Variants in LINGO2 observed in about 807,000 individuals in gnomAD.
The protein encoded by LINGO2 is leucine-rich repeat and immunoglobulin-like domain-containing nogo receptor-interacting protein 2.
A neutral mutation model predicts 30.6 loss-of-function variants in LINGO2; 14 were observed. The ratio of observed to expected loss-of-function variants is 0.46; its 90% confidence interval spans 0.30 to 0.72. The LOEUF is 0.72. Among genes scored for constraint, LINGO2 ranks in the 30% least tolerant of loss-of-function variants. The pLI is 0.07. For synonymous variants in LINGO2, 317 were observed against 288.5 expected, an observed-to-expected ratio of 1.10 and a Z score of -1.00; for missense variants, 729 against 751.7, an observed-to-expected ratio of 0.97 and a Z score of 0.35.
the LINGO2 span, among the ~76,000 whole-genome samples, chr9:28,845,952 C>G: frequency 3.4e-3 from 518 of 151,590 alleles, 14 homozygotes; most frequent in Admixed American, 0.026. Flanking sequence ...CAATATCCCT[C>G]TAATGACGTT....
intron 2 of LINGO2, among the ~76,000 whole-genome samples, chr9:28,377,272 T>G (rs142315327): frequency 1.2e-3 from 189 of 152,270 alleles, no homozygotes; most frequent in African/African-American, 4.3e-3. Flanking sequence ...GCCTTCTCAG[T>G]CTACTCAATG....
chr9:28,858,097 C>G, the LINGO2 span, among the ~76,000 whole-genome samples: 1 of 151,960 alleles, frequency 6.6e-6, no homozygotes, highest in East Asian at 1.9e-4. Context: ...CAGCTTGTCC[C>G]TCAGGCTGTC....
intron 4 of LINGO2, among the ~76,000 whole-genome samples, chr9:28,021,847 A>C (rs898447162): frequency 7.1e-6 from 1 of 141,786 alleles, no homozygotes; most frequent in African/African-American, 2.8e-5. Context: ...CTTTGTTTTT[A>C]AGCCGAATCT....
At chr9:27,950,475 T>C in exon 6 of LINGO2, 1 of 1,606,048 alleles carries the variant, frequency 6.2e-7, no homozygotes, top group South Asian at 1.1e-5. Flanking sequence ...TAGCCTGTTT[T>C]TACTGAGGTC....
chr9:28,837,949 T>C, the LINGO2 span, among the ~76,000 whole-genome samples: 1 of 151,914 alleles, frequency 6.6e-6, no homozygotes, highest in Non-Finnish European at 1.5e-5. Flanking sequence ...AGGCAATTCA[T>C]CATTAACAAA....
chr9:28,786,347 T>C, the LINGO2 span, among the ~76,000 whole-genome samples: 6 of 152,164 alleles, frequency 3.9e-5, no homozygotes, highest in African/African-American at 1.4e-4. Flanking sequence ...AAGGGAAAGG[T>C]AATTCACCAG....
chr9:28,016,399 G>A (rs960667012), intron 4 of LINGO2, among the ~76,000 whole-genome samples: 6 of 152,046 alleles, frequency 3.9e-5, no homozygotes, highest in African/African-American at 1.2e-4. Flanking sequence ...TCCCCTGAAA[G>A]TCTGACTTCT....
chr9:28,312,554 T>C (rs1290969989), intron 3 of LINGO2, among the ~76,000 whole-genome samples: 2 of 152,002 alleles, frequency 1.3e-5, no homozygotes, highest in African/African-American at 4.8e-5. Flanking sequence ...ATGCAGAGAG[T>C]ACTGTGTAGT....
At chr9:28,740,723 G>C in the LINGO2 span, among the ~76,000 whole-genome samples, 8 of 151,746 alleles carry the variant, frequency 5.3e-5, no homozygotes, top group African/African-American at 1.9e-4. Context: ...AACATGTTTT[G>C]AAATATACAC....
chr9:28,695,512 C>T, the LINGO2 span, among the ~76,000 whole-genome samples: 4 of 151,534 alleles, frequency 2.6e-5, no homozygotes, highest in Non-Finnish European at 5.9e-5. Context: ...TACATAAATG[C>T]CTTGATAAAT....
chr9:28,618,218 G>C (rs1044464450), intron 1 of LINGO2, among the ~76,000 whole-genome samples: 4 of 152,018 alleles, frequency 2.6e-5, no homozygotes, highest in African/African-American at 9.7e-5. Flanking sequence ...CCCCAACCTG[G>C]TCTTCCTTTA....
intron 5 of LINGO2, among the ~76,000 whole-genome samples, chr9:27,999,575 G>A (rs781201265): frequency 4.6e-5 from 7 of 152,112 alleles, no homozygotes; most frequent in Non-Finnish European, 8.8e-5. Context: ...GACACAGTAT[G>A]TTTATAGTGG....
chr9:28,055,479 A>G (rs1376545277), intron 4 of LINGO2, among the ~76,000 whole-genome samples: 2 of 152,160 alleles, frequency 1.3e-5, no homozygotes, highest in African/African-American at 4.8e-5. Context: ...AGAACTTGTA[A>G]AAAGAGAGTA....
At chr9:28,438,011 G>GCT (rs2134996972) in intron 2 of LINGO2, among the ~76,000 whole-genome samples, 1 of 152,246 alleles carries the variant, frequency 6.6e-6, no homozygotes, top group South Asian at 2.1e-4. Context: ...TATGGGGGAA[G>GCT]TTGTAAGTTT....
chr9:28,997,219 A>G, the LINGO2 span, among the ~76,000 whole-genome samples: 5 of 151,900 alleles, frequency 3.3e-5, no homozygotes, highest in African/African-American at 7.3e-5. Context: ...GCTTGAGGCC[A>G]GGAGTTCAAG....
the LINGO2 span, among the ~76,000 whole-genome samples, chr9:29,131,575 T>G: frequency 6.6e-6 from 1 of 152,104 alleles, no homozygotes; most frequent in Non-Finnish European, 1.5e-5. Context: ...TTTCTGGAAT[T>G]GCATCCACAC....
chr9:28,681,353 T>C, the LINGO2 span, among the ~76,000 whole-genome samples: 1 of 152,080 alleles, frequency 6.6e-6, no homozygotes, highest in Non-Finnish European at 1.5e-5. Context: ...CTTTTTAACT[T>C]CTTCCTCTGA....
rs139839461 is a variant in LINGO2, at chr9:28,052,245, T to C, written c.-86-39840A>G. ...GATCTTTGACAAAGTAGGGAAGTGT[T>C]GTAAGTTTGAGAGTCACTTCATGAA... On this transcript the variant is annotated intron_variant, in intron 4 of 5. Transcript: ENST00000379992. 3.6e-3 allele frequency among the ~76,000 whole-genome samples: 541 copies of C among 151,994 alleles called. 7 individuals are homozygous for C. Among genetic ancestry groups the C allele is most frequent in the Middle Eastern group, 0.01 (3 of 294 alleles).
At chr9:28,161,300 T>C (rs937209884) in intron 4 of LINGO2, among the ~76,000 whole-genome samples, 1 of 152,130 alleles carries the variant, frequency 6.6e-6, no homozygotes, top group Non-Finnish European at 1.5e-5. Context: ...GATATTTGGA[T>C]GTATAATGCC....
Sources: allele counts gnomAD v4.1 joint callset (sites outside exome capture counted in the v4.1 genomes callset), GRCh38; gene constraint gnomAD v4.1.1; transcripts MANE v1.5; gene names NCBI Gene and HGNC (gene_info 2026-07-23, HGNC 2026-07-21).